Variants in CACNA1I observed in about 807,000 individuals in gnomAD.
CACNA1I encodes voltage-dependent T-type calcium channel subunit alpha-1I.
A neutral mutation model predicts 201.6 loss-of-function variants in CACNA1I; 74 were observed. The ratio of observed to expected loss-of-function variants is 0.37; its 90% CI spans 0.30 to 0.45. The LOEUF (loss-of-function observed/expected upper bound fraction) is 0.45, where lower values mean the gene tolerates loss of function less well. Among genes scored for constraint, CACNA1I ranks in the 20% least tolerant of loss-of-function variants. CACNA1I has a pLI of 1.00. For missense variants in CACNA1I, 2,346 were observed against 3,138.1 expected (o/e 0.75, Z 6.03); for synonymous variants, 1,431 against 1,345.2 (o/e 1.06, Z -1.40).
chr22:39,599,658 C>T (rs1363524008), intron 2 of CACNA1I, among the ~76,000 whole-genome samples: 1 of 151,654 alleles, frequency 6.6e-6, no homozygotes, highest in East Asian at 1.9e-4. Context: ...ATCCAGACCC[C>T]TGACCCCATC....
rs371977638 is a variant in CACNA1I, at chr22:39,684,889, A to G, written c.6027+391A>G. ...GGGTGTGAGTGGGGGCTTGATTACT[A>G]GGAATGGAGGTGGGAGGGCGGGTCT... On this transcript the variant is annotated intron_variant, in intron 36 of 36. Coordinates refer to ENST00000402142, the MANE Select transcript of CACNA1I (RefSeq NM_021096.4). The surrounding 1 kb of genome is among the most constrained non-coding windows in gnomAD (Gnocchi z 4.6). 345 of 364,672 alleles carry G rather than the reference A, an allele frequency of 9.5e-4. 11 individuals are homozygous for G. The South Asian group carries it at 0.013, about 14-fold the overall frequency. 22.6% of individuals were successfully genotyped at this position (364,672 alleles called of 1,614,324 possible). A position where few individuals can be genotyped will look rare whatever the true frequency, so the allele number is the denominator to read the frequency against.
At chr22:39,573,294 C>A (rs1249422100) in intron 1 of CACNA1I, among the ~76,000 whole-genome samples, 3 of 152,148 alleles carry the variant, frequency 2.0e-5, no homozygotes, top group African/African-American at 7.2e-5. Context: ...GAGTAAGTCA[C>A]TTTGCTTCTT....
intron 3 of CACNA1I, among the ~76,000 whole-genome samples, chr22:39,615,779 C>T (rs146230996): frequency 7.2e-4 from 109 of 152,268 alleles, no homozygotes; most frequent in African/African-American, 2.3e-3. Context: ...ATGCGGCCAC[C>T]GCAGAATACC....
At chr22:39,674,199 C>T (rs760700400) in intron 29 of CACNA1I, among the ~76,000 whole-genome samples, 166 bp downstream of exon 29, 18 of 152,150 alleles carry the variant, frequency 1.2e-4, no homozygotes, top group Non-Finnish European at 2.4e-4. Context: ...AGGAAGGGTC[C>T]CTTTATGCCT....
rs192074025 is a variant in CACNA1I at position 39,680,907 on chromosome 22, G to A, written c.5542-23G>A. ...TGCCCATCCCAAACCTGGGTGACCCGAGGCCACCCCCTCTTCCTGCAGGTG... is the reference window on the plus strand; with the variant it reads ...TGCCCATCCCAAACCTGGGTGACCCAAGGCCACCCCCTCTTCCTGCAGGTG... On this transcript the variant is annotated intron_variant, in intron 33 of 36. Transcript: ENST00000402142. 4.7e-3 allele frequency: 7,502 copies of A among 1,600,904 alleles called. 23 individuals are homozygous for A. Among genetic ancestry groups the A allele is most frequent in the Non-Finnish European group, 6.0e-3 (7,031 of 1,175,260 alleles).
At chr22:39,622,983 G>C (rs1199519471) in intron 4 of CACNA1I, among the ~76,000 whole-genome samples, 1 of 152,226 alleles carries the variant, frequency 6.6e-6, no homozygotes, top group Non-Finnish European at 1.5e-5. Context: ...ACGTTGCAGA[G>C]GGTCGCACAC....
chr22:39,586,653 G>A (rs1932756296), intron 1 of CACNA1I, among the ~76,000 whole-genome samples: 1 of 152,214 alleles, frequency 6.6e-6, no homozygotes, highest in Non-Finnish European at 1.5e-5. Flanking sequence ...GTGTGCACAC[G>A]TGTATAAGGG....
chr22:39,675,555 T>C (rs1185383616), intron 29 of CACNA1I, among the ~76,000 whole-genome samples: 2 of 152,268 alleles, frequency 1.3e-5, no homozygotes, highest in Admixed American at 1.3e-4. Context: ...CAAGTGCCAC[T>C]GGCCGTGAAA....
intron 10 of CACNA1I, among the ~76,000 whole-genome samples, chr22:39,651,846 T>A (rs1457870340): frequency 6.6e-6 from 1 of 152,172 alleles, no homozygotes; most frequent in Non-Finnish European, 1.5e-5. Flanking sequence ...CAGGGCTGTT[T>A]GCAGAGGGCT....
chr22:39,664,626 C>CCACCCCCA, intron 20 of CACNA1I, 113 bp from the exon 21 acceptor site: 1 of 457,528 alleles, frequency 2.2e-6, no homozygotes, highest in Non-Finnish European at 4.0e-6. Flanking sequence ...ACCCCGCCCC[C>CCACCCCCA]TCCCCGAAGC....
At chr22:39,619,826 C>T (rs139639295) in intron 4 of CACNA1I, among the ~76,000 whole-genome samples, 39 of 152,288 alleles carry the variant, frequency 2.6e-4, no homozygotes, top group Middle Eastern at 3.4e-3. Context: ...CTTGTGCTGA[C>T]TGACTTAGAA....
At chr22:39,638,481 A>G (rs901213962) in intron 5 of CACNA1I, among the ~76,000 whole-genome samples, 1 of 152,188 alleles carries the variant, frequency 6.6e-6, no homozygotes, top group Non-Finnish European at 1.5e-5. Context: ...GTCTGTTTAC[A>G]CTTATTCTTT....
chr22:39,610,542 C>G (rs956735772), intron 3 of CACNA1I, among the ~76,000 whole-genome samples: 3 of 152,160 alleles, frequency 2.0e-5, no homozygotes, highest in African/African-American at 7.2e-5. Context: ...CAGAGATTCT[C>G]TGGCCACAGG....
Position 39,596,451 on chromosome 22 carries a change from TC to T in CACNA1I, c.237-1699del, listed in dbSNP as rs1414695348. Among the ~76,000 whole-genome samples, 8 of 24,002 alleles carry T rather than the reference TC, an allele frequency of 3.3e-4. 1 individual carries two copies. Among genetic ancestry groups the T allele is most frequent in the African/African-American group, 1.5e-3 (8 of 5,304 alleles). 15.7% of individuals were successfully genotyped at this position (24,002 alleles called of 152,430 possible). The stretch of plus-strand genomic sequence containing the variant: ...GATGGGGGGGCAGGGCGGAGGGAGA[TC>T]GGGGGGCAGGGCGGAGAGAGATGGG... On this transcript the variant is annotated intron_variant, in intron 1 of 36. Coordinates refer to ENST00000402142, the MANE Select transcript of CACNA1I (RefSeq NM_021096.4).
chr22:39,585,693 T>A (rs1433197346), intron 1 of CACNA1I, among the ~76,000 whole-genome samples: 2 of 127,134 alleles, frequency 1.6e-5, no homozygotes, highest in Non-Finnish European at 3.2e-5. Flanking sequence ...TGCCCAGCTG[T>A]AAACTTAAAA....
intron 4 of CACNA1I, among the ~76,000 whole-genome samples, chr22:39,624,157 T>C (rs572082414): frequency 3.9e-4 from 60 of 151,914 alleles, no homozygotes; most frequent in African/African-American, 1.4e-3. Flanking sequence ...AGCATGTGTG[T>C]GCCTGTGAGG....
At chr22:39,637,401 T>G (rs1934248210) in intron 5 of CACNA1I, among the ~76,000 whole-genome samples, 1 of 151,908 alleles carries the variant, frequency 6.6e-6, no homozygotes, top group East Asian at 1.9e-4. Context: ...AGGGAGTAGG[T>G]GGGGAGGGTA....
chr22:39,669,949 A>G (rs2146462905), intron 24 of CACNA1I, 89 bp from the exon 25 acceptor site: 2 of 1,468,882 alleles, frequency 1.4e-6, no homozygotes, highest in East Asian at 4.5e-5. Flanking sequence ...ACACATGCCC[A>G]CTCCATGGAG....
chr22:39,632,318 C>T (rs1198359588), intron 4 of CACNA1I, among the ~76,000 whole-genome samples: 4 of 152,154 alleles, frequency 2.6e-5, no homozygotes, highest in Non-Finnish European at 4.4e-5. Context: ...CAGAGCTGAT[C>T]GAGGGTTCTG....
Sources: gnomAD v4.1 joint callset for allele counts (sites outside exome capture counted in the v4.1 genomes callset) on GRCh38, gnomAD v4.1.1 for gene constraint, Gnocchi (gnomAD v3.1) non-coding constraint, MANE v1.5 for transcripts, NCBI Gene and HGNC (gene_info 2026-07-23, HGNC 2026-07-21) for gene names.